Variants in TMOD1 observed in about 807,000 individuals in gnomAD.
TMOD1 encodes the protein tropomodulin 1, also known as tropomodulin-1.
Under a neutral mutation model 40.6 loss-of-function variants are expected in TMOD1, and 17 were observed. That is an observed-to-expected ratio of 0.42 (90% CI 0.29 to 0.63). The LOEUF (loss-of-function observed/expected upper bound fraction) is 0.63, where lower values mean the gene tolerates loss of function less well. TMOD1 is among the 20% of genes least tolerant of loss of function. The pLI, the probability that TMOD1 is intolerant of heterozygous loss-of-function variation, is 0.22. For synonymous variants in TMOD1, 181 were observed against 175.0 expected (o/e 1.03, Z -0.27); for missense variants, 391 against 447.6 (o/e 0.87, Z 1.14).
chr9:97,587,545 T>C (rs918657987), intron 8 of TMOD1, among the ~76,000 whole-genome samples: 1 of 147,028 alleles, frequency 6.8e-6, no homozygotes, highest in Admixed American at 7.0e-5. Context: ...CTTCATATCC[T>C]TTCCCCGTTT....
intron 1 of TMOD1, among the ~76,000 whole-genome samples, chr9:97,514,274 TC>T (rs1365653238): frequency 7.3e-5 from 10 of 137,048 alleles, no homozygotes; most frequent in East Asian, 2.1e-4. Flanking sequence ...TTTTTCTTTT[TC>T]TTTTTTTTTT....
chr9:97,588,538 G>A (rs79493365), intron 8 of TMOD1, among the ~76,000 whole-genome samples: 3,456 of 151,988 alleles, frequency 0.023, 144 homozygotes, highest in African/African-American at 0.079. Context: ...CCCATTCTTT[G>A]TGTTGTCTTT....
intron 8 of TMOD1, among the ~76,000 whole-genome samples, chr9:97,580,148 C>T (rs746769050): frequency 7.9e-5 from 12 of 152,062 alleles, no homozygotes; most frequent in East Asian, 1.9e-4. Flanking sequence ...AAGTGGGGCA[C>T]GAGGCAGGGC....
intron 9 of TMOD1, 68 bp from the exon 10 acceptor site, chr9:97,599,555 ACAGTGCTTTCT>A: frequency 6.3e-7 from 1 of 1,586,170 alleles, no homozygotes; most frequent in Non-Finnish European, 8.6e-7. Flanking sequence ...GCGAGGTTTC[ACAGTGCTTTCT>A]CAGCAACAGT....
chr9:97,510,945 G>A (rs907098591), intron 1 of TMOD1, among the ~76,000 whole-genome samples: 2 of 152,118 alleles, frequency 1.3e-5, no homozygotes, highest in Non-Finnish European at 2.9e-5. Flanking sequence ...GGGCAGGCCA[G>A]CTGAGACAGG....
At chr9:97,593,191 G>A (rs1368923436) in intron 9 of TMOD1, among the ~76,000 whole-genome samples, 1 of 152,150 alleles carries the variant, frequency 6.6e-6, no homozygotes, top group Admixed American at 6.5e-5. Flanking sequence ...ATGGCATGAT[G>A]GTATGGAGGT....
At chr9:97,507,995 A>C (rs909450233) in intron 1 of TMOD1, among the ~76,000 whole-genome samples, 3 of 151,648 alleles carry the variant, frequency 2.0e-5, no homozygotes, top group Non-Finnish European at 4.4e-5. Context: ...ATCCTTCATT[A>C]GTCCTTTGGG....
intron 8 of TMOD1, among the ~76,000 whole-genome samples, chr9:97,583,354 C>T (rs1825799381): frequency 6.8e-6 from 1 of 147,382 alleles, no homozygotes; most frequent in Non-Finnish European, 1.5e-5. Context: ...ATGAAGCCCA[C>T]TTGATCATGG....
At chr9:97,555,685 G>A in intron 4 of TMOD1, 1 of 1,551,050 alleles carries the variant, frequency 6.4e-7, no homozygotes, top group Non-Finnish European at 8.7e-7. Context: ...GAACACTTTT[G>A]ACCACCTACC....
intron 4 of TMOD1, among the ~76,000 whole-genome samples, chr9:97,560,221 G>A (rs566716562): frequency 6.6e-6 from 1 of 152,208 alleles, no homozygotes; most frequent in South Asian, 2.1e-4. Flanking sequence ...CTGACCTCCA[G>A]AAGCCTACAG....
chr9:97,530,787 C>CTTT lies in TMOD1; in HGVS notation c.120+6496_120+6498dup, dbSNP rs57086657. Among the ~76,000 whole-genome samples, 461 of 90,876 alleles carry CTTT rather than the reference C, an allele frequency of 5.1e-3. 23 individuals are homozygous for CTTT. Among genetic ancestry groups the CTTT allele is most frequent in the African/African-American group, 0.013 (271 of 21,254 alleles). The allele number at this position is 90,876 out of a possible 152,430, so 59.6% of individuals were successfully genotyped here. On this transcript the variant is annotated intron_variant, in intron 2 of 9. Coordinates refer to ENST00000259365, the MANE Select transcript of TMOD1 (RefSeq NM_003275.4). The stretch of plus-strand genomic sequence containing the variant: ...TACAGGCGTGAGCCACCGGGCCCGG[C>CTTT]TTTTTTTTTTTTTTTTTTTGAGACA...
At chr9:97,596,973 G>GTCTT (rs919189825) in intron 9 of TMOD1, among the ~76,000 whole-genome samples, 15 of 152,240 alleles carry the variant, frequency 9.9e-5, no homozygotes, top group African/African-American at 3.6e-4. Context: ...GTTATACTGT[G>GTCTT]TCTTTACTTC....
chr9:97,546,303 A>G lies in TMOD1; in HGVS notation c.239A>G (p.Asp80Gly). 1 of 1,614,076 alleles carries G rather than the reference A, an allele frequency of 6.2e-7. No homozygotes were observed. Among genetic ancestry groups the G allele is most frequent in the Non-Finnish European group, 8.5e-7 (1 of 1,180,004 alleles). Residue 80 changes from aspartate (D) to glycine (G), a missense_variant, in exon 3 of 10, where the codon GAC (aspartate) becomes GGC (glycine). By Grantham distance (94) the Asp-to-Gly change is moderately conservative. Transcript: ENST00000259365. ...GAAAAGCAAGCAAAGGAGTTTAAGG[A>G]CCGAGAAGATCTGGTCCCCTACACA... ...HLEKQAKEFK[D>G]REDLVPYTGE...
chr9:97,569,797 A>T (rs1411393409), intron 8 of TMOD1, among the ~76,000 whole-genome samples: 1 of 131,900 alleles, frequency 7.6e-6, no homozygotes, highest in East Asian at 1.9e-4. Context: ...GACAGGCCAA[A>T]GATAAGCCCC....
chr9:97,567,589 T>C (rs1830747862), intron 7 of TMOD1, among the ~76,000 whole-genome samples: 1 of 152,210 alleles, frequency 6.6e-6, no homozygotes, highest in Non-Finnish European at 1.5e-5. Flanking sequence ...GGTTGTTATT[T>C]TGATTTTTTT....
intron 8 of TMOD1, among the ~76,000 whole-genome samples, chr9:97,576,458 AAAAT>A (rs1426031098): frequency 3.9e-5 from 6 of 152,276 alleles, no homozygotes; most frequent in Middle Eastern, 3.4e-3. Context: ...AGTCTCCAAA[AAAAT>A]AAATAAATAA....
At chr9:97,545,501 CA>C (rs1479790819) in intron 2 of TMOD1, among the ~76,000 whole-genome samples, 1 of 152,180 alleles carries the variant, frequency 6.6e-6, no homozygotes, top group Non-Finnish European at 1.5e-5. Context: ...TACCCATCTC[CA>C]GGGGCGACGT....
chr9:97,601,355 A>C lies in TMOD1; in HGVS notation c.*1657A>C. 8.9e-7 allele frequency: 1 copy of C among 1,122,864 alleles called. No individual in the cohort carries two copies. The highest frequency in any genetic ancestry group is 1.1e-6 in the Non-Finnish European group (1 of 905,512). 69.6% of individuals were successfully genotyped at this position (1,122,864 alleles called of 1,614,324 possible). On this transcript the variant is annotated 3_prime_UTR_variant, in exon 10 of 10. Transcript: ENST00000259365. ...CACCATGGCAGTGCTGGATGACCTC[A>C]GTAAGAATGTGTCATGTATTCCAGG...
chr9:97,567,115 T>C (rs1830740560), intron 7 of TMOD1, among the ~76,000 whole-genome samples: 1 of 152,212 alleles, frequency 6.6e-6, no homozygotes, highest in Non-Finnish European at 1.5e-5. Flanking sequence ...TTTGAAATAA[T>C]AGAAATAGCT....
Sources: allele counts gnomAD v4.1 joint callset (sites outside exome capture counted in the v4.1 genomes callset), GRCh38; gene constraint gnomAD v4.1.1; transcripts MANE v1.5; gene names NCBI Gene and HGNC (gene_info 2026-07-23, HGNC 2026-07-21).